The following FGGY variants were observed in gnomAD, a reference collection of about 807,000 sequenced individuals.
FGGY encodes FGGY carbohydrate kinase domain-containing protein.
A neutral mutation model predicts 71.3 loss-of-function variants in FGGY; 72 were observed. That is an observed-to-expected ratio of 1.01 (90% CI 0.84 to 1.23). The LOEUF is 1.23. Ranked by LOEUF, FGGY falls within the 50% of genes most tolerant of loss-of-function variation. The pLI, the probability that FGGY is intolerant of heterozygous loss-of-function variation, is 0.00. For synonymous variants in FGGY, 251 were observed against 250.3 expected, an observed-to-expected ratio of 1.00 and a Z score of -0.02; for missense variants, 668 against 682.3, an observed-to-expected ratio of 0.98 and a Z score of 0.23.
In FGGY at chr1:59,674,133, G is replaced by A. The variant is rs2097410532; in HGVS notation, c.1512G>A (p.Gln504=). 6.2e-7 allele frequency: 1 copy of A among 1,613,038 alleles called. No individual in the cohort carries two copies. Among genetic ancestry groups the A allele is most frequent in the South Asian group, 1.1e-5 (1 of 90,854 alleles). Residue 504 remains glutamine (Q), a splice_region_variant and synonymous_variant, in exon 14 of 16, where the codon CAG becomes CAA. Coordinates refer to ENST00000303721, the MANE Select transcript of FGGY (RefSeq NM_018291.5). ...CCTCAGGGGATTTCGCTTCTGTACA[G>A]GTATGTGAAGACCAGGGGGTGGGCT... ...ACASGDFASV[Q]EAMAKMSKVG...
chr1:59,612,613 G>A lies in FGGY; in HGVS notation c.1011+4703G>A, dbSNP rs181496168. Among the ~76,000 whole-genome samples, 27 of 152,226 alleles carry A rather than the reference G, an allele frequency of 1.8e-4. No individual in the cohort carries two copies. In the East Asian group the frequency reaches 2.7e-3, roughly 15 times the overall value. On this transcript the variant is annotated intron_variant, in intron 9 of 15. Coordinates refer to ENST00000303721, the MANE Select transcript of FGGY (RefSeq NM_018291.5). ...CTAACAGGCAAAATAACCAGCTAACGTCATAATGACAGGATCAAATTCACA... is the reference window on the plus strand; with the variant it reads ...CTAACAGGCAAAATAACCAGCTAACATCATAATGACAGGATCAAATTCACA...
chr1:59,554,009 T>C, intron 7 of FGGY, 115 bp from the exon 8 acceptor site: 1 of 799,928 alleles, frequency 1.3e-6, no homozygotes. Context: ...CACAGGACCC[T>C]TCCTCCATGT....
rs200594940 is a variant in FGGY, at chr1:59,445,428, GC to G, written c.555-11531del. Among the ~76,000 whole-genome samples the G allele has an allele frequency of 9.5e-3, 1,448 of 152,270 alleles. 18 individuals are homozygous for G. The highest frequency in any genetic ancestry group is 0.033 in the African/African-American group (1,389 of 41,554). On this transcript the variant is annotated intron_variant, in intron 5 of 15. Transcript: ENST00000303721. ...ACATTCTTTCTTTAACCATCTGAAT[GC>G]CTTCAGTATGGTTCCTGTGAGCTCT...
At chr1:59,552,229 G>C (rs1428637252) in intron 7 of FGGY, among the ~76,000 whole-genome samples, 1 of 152,186 alleles carries the variant, frequency 6.6e-6, no homozygotes, top group Non-Finnish European at 1.5e-5. Context: ...AAGAGAAGTA[G>C]ATAGGCTCTT....
chr1:59,302,233 A>G (rs77381856), intron 1 of FGGY, among the ~76,000 whole-genome samples: 1 of 151,708 alleles, frequency 6.6e-6, no homozygotes, highest in African/African-American at 2.4e-5. Flanking sequence ...ATTGATCTAT[A>G]GTTTTCTTGT....
At chr1:59,436,761 A>T (rs934456574) in intron 5 of FGGY, among the ~76,000 whole-genome samples, 2 of 152,150 alleles carry the variant, frequency 1.3e-5, no homozygotes, top group Non-Finnish European at 2.9e-5. Flanking sequence ...AAGTTGAATG[A>T]CGGGGTGCAG....
chr1:59,735,021 G>A (rs1001426216), intron 14 of FGGY, among the ~76,000 whole-genome samples: 1 of 152,188 alleles, frequency 6.6e-6, no homozygotes, highest in African/African-American at 2.4e-5. Flanking sequence ...CATCTATCTG[G>A]TCATATCCAA....
At chr1:59,391,957 G>C (rs912758438) in intron 5 of FGGY, among the ~76,000 whole-genome samples, 1 of 152,192 alleles carries the variant, frequency 6.6e-6, no homozygotes, top group African/African-American at 2.4e-5. Flanking sequence ...AGATGCTAGA[G>C]AGTTAGATCT....
At chr1:59,387,294 T>C (rs1463668588) in intron 5 of FGGY, among the ~76,000 whole-genome samples, 2 of 152,174 alleles carry the variant, frequency 1.3e-5, no homozygotes, top group Non-Finnish European at 2.9e-5. Context: ...TAATATGTTG[T>C]ATTTTTCATA....
At chr1:59,582,816 CA>C (rs2096218801) in intron 8 of FGGY, among the ~76,000 whole-genome samples, 1 of 150,428 alleles carries the variant, frequency 6.6e-6, no homozygotes, top group South Asian at 2.1e-4. Context: ...GCTCCTCACA[CA>C]AAGTCAGCTT....
intron 14 of FGGY, among the ~76,000 whole-genome samples, chr1:59,681,199 A>G (rs1463650467): frequency 1.3e-5 from 2 of 152,256 alleles, no homozygotes; most frequent in Non-Finnish European, 2.9e-5. Context: ...ATTAAAAGAT[A>G]CTTCAATAAT....
intron 9 of FGGY, among the ~76,000 whole-genome samples, chr1:59,611,123 G>A (rs2096672966): frequency 6.6e-6 from 1 of 152,216 alleles, no homozygotes; most frequent in Non-Finnish European, 1.5e-5. Flanking sequence ...AGAAACTTCT[G>A]TACACTTAAA....
intron 2 of FGGY, among the ~76,000 whole-genome samples, chr1:59,324,217 AT>A (rs1402720226): frequency 6.6e-6 from 1 of 150,536 alleles, no homozygotes; most frequent in Non-Finnish European, 1.5e-5. Flanking sequence ...TCCAGGTACT[AT>A]ACTGAAGAGC....
In FGGY at chr1:59,503,594, C is replaced by CATATATATATATATAT. The variant is rs71046332; in HGVS notation, c.671-8707_671-8692dup. On this transcript the variant is annotated intron_variant, in intron 6 of 15. Transcript: ENST00000303721. ...TACGCATTGGCTTTTGTGGTGTCGC[C>CATATATATATATATAT]ATATATATATATATATATATATATA... 8.5e-3 allele frequency among the ~76,000 whole-genome samples: 1,083 copies of CATATATATATATATAT among 127,418 alleles called. 17 individuals carry two copies. Among genetic ancestry groups the CATATATATATATATAT allele is most frequent in the African/African-American group, 0.033 (1,045 of 31,690 alleles). The allele number at this position is 127,418 out of a possible 152,430, so 83.6% of individuals were successfully genotyped here. A position where few individuals can be genotyped will look rare whatever the true frequency, so the allele number is the denominator to read the frequency against.
At chr1:59,598,685 C>T (rs1431080179) in intron 8 of FGGY, among the ~76,000 whole-genome samples, 1 of 152,188 alleles carries the variant, frequency 6.6e-6, no homozygotes, top group East Asian at 1.9e-4. Flanking sequence ...TCTATGAGAA[C>T]ACTCTTAACC....
chr1:59,379,867 G>A (rs2059172999), intron 5 of FGGY, among the ~76,000 whole-genome samples: 1 of 151,424 alleles, frequency 6.6e-6, no homozygotes, highest in African/African-American at 2.4e-5. Context: ...TGTTAATTAT[G>A]TATACATGTG....
intron 13 of FGGY, among the ~76,000 whole-genome samples, chr1:59,669,049 GTA>G (rs913466320): frequency 7.4e-5 from 11 of 149,400 alleles, no homozygotes; most frequent in African/African-American, 2.7e-4. Flanking sequence ...GGGATGTGAA[GTA>G]TAGAAAGTAT....
At chr1:59,710,064 A>G (rs1029646279) in intron 14 of FGGY, among the ~76,000 whole-genome samples, 1 of 152,170 alleles carries the variant, frequency 6.6e-6, no homozygotes, top group Non-Finnish European at 1.5e-5. Flanking sequence ...CCTGCCACCA[A>G]CTCACAGATG....
At chr1:59,749,194 A>G (rs1323145488) in intron 14 of FGGY, among the ~76,000 whole-genome samples, 1 of 152,110 alleles carries the variant, frequency 6.6e-6, no homozygotes, top group Non-Finnish European at 1.5e-5. Context: ...CCTGAATTTT[A>G]TCCTTTATAA....
Sources: allele counts gnomAD v4.1 joint callset (sites outside exome capture counted in the v4.1 genomes callset), GRCh38; gene constraint gnomAD v4.1.1; transcripts MANE v1.5; gene names NCBI Gene and HGNC (gene_info 2026-07-23, HGNC 2026-07-21).